MAP4K5: variants seen among roughly 807,000 people sequenced by gnomAD.
The protein encoded by MAP4K5 is MAPK/ERK kinase kinase kinase 5.
In MAP4K5, 82 loss-of-function variants were observed where a neutral mutation model predicts 135.6. The observed-to-expected ratio is 0.60, with a 90% CI of 0.51 to 0.73. The LOEUF is 0.73. Among genes scored for constraint, MAP4K5 ranks in the 30% least tolerant of loss-of-function variants. The pLI is 0.00. For missense variants in MAP4K5, 907 were observed against 1,010.9 expected, an observed-to-expected ratio of 0.90 and a Z score of 1.39; for synonymous variants, 347 against 335.0, an observed-to-expected ratio of 1.04 and a Z score of -0.39.
chr14:50,540,191 A>G (rs1001499248), intron 2 of MAP4K5, among the ~76,000 whole-genome samples: 12 of 152,234 alleles, frequency 7.9e-5, no homozygotes, highest in African/African-American at 2.7e-4. Context: ...ACCTTCAGGA[A>G]GAAGTGAAAT....
At chr14:50,541,142 A>G (rs1036660575) in intron 2 of MAP4K5, among the ~76,000 whole-genome samples, 1 of 152,222 alleles carries the variant, frequency 6.6e-6, no homozygotes, top group African/African-American at 2.4e-5. Flanking sequence ...AATAATCAGA[A>G]GCAGTTTGCT....
intron 11 of MAP4K5, among the ~76,000 whole-genome samples, chr14:50,465,005 G>C (rs983743636): frequency 2.6e-5 from 4 of 152,194 alleles, no homozygotes; most frequent in African/African-American, 9.7e-5. Flanking sequence ...TTCAGTTCCA[G>C]ATGTCTAGGA....
At chr14:50,552,569 A>G (rs1165251775) in intron 1 of MAP4K5, among the ~76,000 whole-genome samples, 3 of 152,196 alleles carry the variant, frequency 2.0e-5, no homozygotes, top group African/African-American at 7.2e-5. Flanking sequence ...CAGTAATAAG[A>G]AAAAGAACAA....
chr14:50,551,233 A>G (rs1403228765), intron 1 of MAP4K5, among the ~76,000 whole-genome samples: 1 of 152,192 alleles, frequency 6.6e-6, no homozygotes, highest in Non-Finnish European at 1.5e-5. Context: ...AGATCATTCA[A>G]GGCTACTATG....
Position 50,423,181 on chromosome 14 carries a change from G to A in MAP4K5, c.2398-5C>T, listed in dbSNP as rs374199773. On this transcript the variant is annotated splice_region_variant and splice_polypyrimidine_tract_variant and intron_variant, in intron 31 of 32. Coordinates refer to ENST00000682126, the MANE Select transcript of MAP4K5 (RefSeq NM_006575.6). ...ATCTGAAATCTCCTGGGTAACCTAGGAAAGAAAAATACCTATCAGTAACAT... is the reference window on the plus strand; with the variant it reads ...ATCTGAAATCTCCTGGGTAACCTAGAAAAGAAAAATACCTATCAGTAACAT... 1.0e-5 allele frequency: 15 copies of A among 1,490,958 alleles called. No individual in the cohort carries two copies. The African/African-American group carries it at 1.9e-4, about 19-fold the overall frequency. The allele number at this position is 1,490,958 out of a possible 1,614,324, so 92.4% of individuals were successfully genotyped here. A position where few individuals can be genotyped will look rare whatever the true frequency, so the allele number is the denominator to read the frequency against.
intron 16 of MAP4K5, 60 bp downstream of exon 16, chr14:50,447,354 C>T: frequency 1.0e-6 from 1 of 973,364 alleles, no homozygotes; most frequent in South Asian, 1.6e-5. Context: ...AAATCACATG[C>T]CCCATACTGT....
In MAP4K5 at chr14:50,449,148, C is replaced by T. The variant is rs966256675; in HGVS notation, c.1016-316G>A. On this transcript the variant is annotated intron_variant, in intron 14 of 32. Transcript: ENST00000682126. Reference sequence around the variant, plus strand: ...TAAGTAAAAACTTTAAGAATTTTCTCTATGCTGTAGACTCTGTTTTGAGAC... The same window carrying T: ...TAAGTAAAAACTTTAAGAATTTTCTTTATGCTGTAGACTCTGTTTTGAGAC... The T allele has an allele frequency of 1.1e-5, 3 of 266,014 alleles. No homozygotes were observed. In the Admixed American group the frequency reaches 1.7e-4, roughly 15 times the overall value. 16.5% of individuals were successfully genotyped at this position (266,014 alleles called of 1,614,324 possible).
chr14:50,517,756 C>T (rs531591509), intron 2 of MAP4K5, among the ~76,000 whole-genome samples: 4 of 151,924 alleles, frequency 2.6e-5, no homozygotes, highest in East Asian at 1.9e-4. Flanking sequence ...CCAGCCTGGG[C>T]GACAGTGAAA....
chr14:50,514,950 C>G (rs1009803364), intron 2 of MAP4K5, among the ~76,000 whole-genome samples: 1 of 150,110 alleles, frequency 6.7e-6, no homozygotes, highest in Non-Finnish European at 1.5e-5. Context: ...GTCGCCCAGG[C>G]TGGAGTACAG....
intron 9 of MAP4K5, among the ~76,000 whole-genome samples, chr14:50,473,926 G>A (rs1365828915): frequency 2.6e-5 from 4 of 151,694 alleles, no homozygotes; most frequent in African/African-American, 7.3e-5. Flanking sequence ...GGGTTTCACC[G>A]TGTTAGCCAG....
At chr14:50,531,896 G>A (rs375773581) in intron 2 of MAP4K5, 46 bp downstream of exon 2, 11 of 1,337,036 alleles carry the variant, frequency 8.2e-6, no homozygotes, top group Non-Finnish European at 1.2e-5. Context: ...CCCCATTCCC[G>A]GGACCCAGTC....
intron 3 of MAP4K5, among the ~76,000 whole-genome samples, chr14:50,494,974 C>T (rs2139977723): frequency 6.6e-6 from 1 of 152,202 alleles, no homozygotes; most frequent in South Asian, 2.1e-4. Context: ...TTATCAAACT[C>T]CTAGAAGAAA....
intron 2 of MAP4K5, among the ~76,000 whole-genome samples, chr14:50,521,486 G>C (rs745663794): frequency 2.0e-5 from 3 of 152,198 alleles, no homozygotes; most frequent in Non-Finnish European, 2.9e-5. Flanking sequence ...CTAACAGTAA[G>C]ATTGAGGGTA....
intron 2 of MAP4K5, among the ~76,000 whole-genome samples, chr14:50,514,007 A>C (rs974175470): frequency 6.6e-6 from 1 of 152,244 alleles, no homozygotes; most frequent in Admixed American, 6.5e-5. Flanking sequence ...TGAAAAGTCA[A>C]CTATGTCATA....
At chr14:50,466,831 GAGA>G (rs370399385) in intron 10 of MAP4K5, among the ~76,000 whole-genome samples, 186 bp from the exon 11 acceptor site, 3 of 152,196 alleles carry the variant, frequency 2.0e-5, no homozygotes, top group African/African-American at 4.8e-5. Flanking sequence ...CTTGACTACA[GAGA>G]AGATTTTTAA....
At chr14:50,476,338 ATCAGC>A in intron 6 of MAP4K5, 32 bp from the exon 7 acceptor site, 16 of 1,148,488 alleles carry the variant, frequency 1.4e-5, no homozygotes, top group East Asian at 2.9e-5. Flanking sequence ...AAAAGAATGT[ATCAGC>A]AAAACTGTAA....
chr14:50,461,987 A>G (rs1322496536), intron 13 of MAP4K5, among the ~76,000 whole-genome samples: 1 of 152,188 alleles, frequency 6.6e-6, no homozygotes, highest in Non-Finnish European at 1.5e-5. Flanking sequence ...CACAGTTATG[A>G]ATAGCCCTAC....
At chr14:50,460,686 C>T (rs192321019) in intron 13 of MAP4K5, among the ~76,000 whole-genome samples, 81 of 152,218 alleles carry the variant, frequency 5.3e-4, no homozygotes, top group African/African-American at 1.9e-3. Flanking sequence ...TCACTGGGTA[C>T]TCATGACATG....
At chr14:50,461,905 G>A (rs561588716) in intron 13 of MAP4K5, among the ~76,000 whole-genome samples, 8 of 149,784 alleles carry the variant, frequency 5.3e-5, no homozygotes, top group Non-Finnish European at 1.2e-4. Context: ...GCGACAGAGC[G>A]AGACTCCATC....
Sources: allele counts gnomAD v4.1 joint callset (sites outside exome capture counted in the v4.1 genomes callset), GRCh38; gene constraint gnomAD v4.1.1; transcripts MANE v1.5; gene names NCBI Gene and HGNC (gene_info 2026-07-23, HGNC 2026-07-21).